The following VWA3A variants were observed in gnomAD, a reference collection of about 807,000 sequenced individuals.
VWA3A encodes von Willebrand factor A domain containing 3A.
VWA3A carries 134 observed loss-of-function variants against 160.4 expected under a neutral mutation model. The observed-to-expected ratio is 0.84, with a 90% CI of 0.73 to 0.96. The LOEUF (loss-of-function observed/expected upper bound fraction) is 0.96, where lower values mean the gene tolerates loss of function less well. Ranked by LOEUF, VWA3A falls within the 40% of genes least tolerant of loss-of-function variation. VWA3A has a pLI of 0.00. For synonymous variants in VWA3A, 476 were observed against 543.4 expected (o/e 0.88, Z 1.72); for missense variants, 1,310 against 1,447.9 (o/e 0.90, Z 1.55).
intron 8 of VWA3A, among the ~76,000 whole-genome samples, chr16:22,113,322 G>A (rs1379752838): frequency 1.4e-5 from 2 of 139,978 alleles, no homozygotes; most frequent in Non-Finnish European, 3.0e-5. Context: ...CTCCCAAATA[G>A]CTGAGATTAC....
intron 3 of VWA3A, 105 bp downstream of exon 3, chr16:22,097,800 A>G: frequency 1.4e-6 from 2 of 1,436,938 alleles, no homozygotes; most frequent in East Asian, 5.0e-5. Flanking sequence ...GGATTCTAGG[A>G]CTGAAAAAGG....
intron 26 of VWA3A, 133 bp from the exon 27 acceptor site, chr16:22,146,103 T>A: frequency 1.5e-6 from 1 of 688,620 alleles, no homozygotes. Context: ...ATTACAGGCA[T>A]GAGCCACCGT....
At chr16:22,128,381 G>A (rs935161042) in intron 17 of VWA3A, among the ~76,000 whole-genome samples, 1 of 152,154 alleles carries the variant, frequency 6.6e-6, no homozygotes, top group African/African-American at 2.4e-5. Flanking sequence ...CAATGTGAAT[G>A]GAAGAAAGAG....
At chr16:22,100,364 C>G in intron 4 of VWA3A, 46 bp downstream of exon 4, 2 of 1,551,646 alleles carry the variant, frequency 1.3e-6, no homozygotes, top group Non-Finnish European at 1.7e-6. Context: ...TGCAGTGACA[C>G]ATGCAACCCC....
intron 6 of VWA3A, among the ~76,000 whole-genome samples, chr16:22,105,143 A>T (rs545089995): frequency 6.6e-6 from 1 of 152,302 alleles, no homozygotes; most frequent in Admixed American, 6.5e-5. Context: ...GGTAACAGGC[A>T]GAGAGACCCC....
Position 22,134,443 on chromosome 16 carries a change from GC to G in VWA3A, c.2139+8del. ...GCTCTCAACTACTCCCAAAAGGTAT[GC>G]CCTGGGCATGGGCCAATGACTGCAC... On this transcript the variant is annotated splice_donor_region_variant and intron_variant, in intron 21 of 33. Transcript: ENST00000389398. 6.3e-7 allele frequency: 1 copy of G among 1,585,614 alleles called. No homozygotes were observed. The highest frequency in any genetic ancestry group is 8.6e-7 in the Non-Finnish European group (1 of 1,164,996).
rs2046294789 is a variant in VWA3A at position 22,148,436 on chromosome 16, A to G, written c.2984+130A>G. On this transcript the variant is annotated intron_variant, in intron 28 of 33. Transcript: ENST00000389398. ...GATGCTCTTCTGAGTAACGCGTTTG[A>G]GTAGGAAAGAGCACTGTATTCTGCT... 5.5e-6 allele frequency: 7 copies of G among 1,283,896 alleles called. No individual in the cohort carries two copies. In the South Asian group the frequency reaches 9.3e-5, roughly 17 times the overall value. The allele number at this position is 1,283,896 out of a possible 1,614,324, so 79.5% of individuals were successfully genotyped here.
In VWA3A at chr16:22,148,182, A is replaced by C; in HGVS notation, c.2860A>C (p.Thr954Pro). The C allele has an allele frequency of 6.2e-7, 1 of 1,602,978 alleles. No homozygotes were observed. Among genetic ancestry groups the C allele is most frequent in the Non-Finnish European group, 8.5e-7 (1 of 1,174,988 alleles). Residue 954 changes from threonine (T) to proline (P), a missense_variant, in exon 28 of 34, where the codon ACC becomes CCC. Transcript: ENST00000389398. ...AGCAGGGAGCCGCCGACTGTTTGGCACCGTTTTGGAGAGCAAAGTATGCAT... is the reference window on the plus strand; with the variant it reads ...AGCAGGGAGCCGCCGACTGTTTGGCCCCGTTTTGGAGAGCAAAGTATGCAT... ...LLSGSRRLFG[T>P]VLESKVCILL...
At chr16:22,125,050 T>C (rs1483820921) in intron 16 of VWA3A, among the ~76,000 whole-genome samples, 2 of 152,064 alleles carry the variant, frequency 1.3e-5, no homozygotes, top group Non-Finnish European at 2.9e-5. Context: ...TTCCTTATGT[T>C]ACTTGCTCAC....
chr16:22,115,401 C>A lies in VWA3A; in HGVS notation c.744C>A (p.Asn248Lys), dbSNP rs1431284661. Reference protein sequence around the residue: ...VKTLQPDGGSNLLQALKKIFT... With the variant: ...VKTLQPDGGSKLLQALKKIFT... ...CGCTGCAGCCTGATGGAGGCAGCAA[C>A]CTGCTACAAGCTCTGAAGAAGATCT... Residue 248 changes from asparagine (N) to lysine (K), a missense_variant, in exon 9 of 34, where the codon AAC becomes AAA. Coordinates refer to ENST00000389398, the MANE Select transcript of VWA3A (RefSeq NM_173615.5). The A allele has an allele frequency of 6.2e-7, 1 of 1,603,338 alleles. No individual in the cohort carries two copies. Among genetic ancestry groups the A allele is most frequent in the Non-Finnish European group, 8.5e-7 (1 of 1,175,028 alleles).
rs534035489 is a variant in VWA3A at position 22,149,656 on chromosome 16, G to A, written c.2985-131G>A. The A allele has an allele frequency of 1.8e-5, 21 of 1,185,330 alleles. No individual in the cohort carries two copies. In the South Asian group the frequency reaches 3.3e-4, roughly 19 times the overall value. 73.4% of individuals were successfully genotyped at this position (1,185,330 alleles called of 1,614,324 possible). On this transcript the variant is annotated intron_variant, in intron 28 of 33. Coordinates refer to ENST00000389398, the MANE Select transcript of VWA3A (RefSeq NM_173615.5). ...CTGAGGGGCCACAGGGCTCGTTGTA[G>A]GGGTCTTCAGTGACGAGCAAGAATA... is the stretch of plus-strand genomic sequence containing the variant.
intron 31 of VWA3A, 76 bp from the exon 32 acceptor site, chr16:22,155,490 TA>T: frequency 7.5e-7 from 1 of 1,331,526 alleles, no homozygotes; most frequent in Non-Finnish European, 1.1e-6. Context: ...TGATTAGCTC[TA>T]AAATGCTTTT....
chr16:22,111,933 A>G (rs1238665689), intron 8 of VWA3A, among the ~76,000 whole-genome samples: 4 of 152,146 alleles, frequency 2.6e-5, no homozygotes. Flanking sequence ...AGTTCCTTAT[A>G]TCCACTTCCA....
At chr16:22,150,557 T>C (rs982310454) in intron 29 of VWA3A, 138 bp from the exon 30 acceptor site, 14 of 1,036,872 alleles carry the variant, frequency 1.4e-5, no homozygotes, top group Non-Finnish European at 1.8e-5. Flanking sequence ...AGAATCTCAG[T>C]CTTTTTGAAC....
intron 5 of VWA3A, among the ~76,000 whole-genome samples, chr16:22,100,964 CAAAAAAAAAAA>C (rs59096934): frequency 4.9e-5 from 3 of 60,780 alleles, no homozygotes; most frequent in African/African-American, 1.8e-4. Flanking sequence ...GACCCTGTCT[CAAAAAAAAAAA>C]AAAAAAAAAG....
rs116760804 is a variant in VWA3A, at chr16:22,116,027, A to T, written c.815+555A>T. ...AGAGATAAGAAAGAAGAAAGAGAAA[A>T]GATCATCAACCATGGCTCTTCACAC... On this transcript the variant is annotated intron_variant, in intron 9 of 33. Coordinates refer to ENST00000389398, the MANE Select transcript of VWA3A (RefSeq NM_173615.5). Among the ~76,000 whole-genome samples the T allele has an allele frequency of 4.2e-3, 621 of 149,634 alleles. 12 individuals are homozygous for T. The highest frequency in any genetic ancestry group is 0.015 in the African/African-American group (596 of 39,694).
intron 3 of VWA3A, 63 bp downstream of exon 3, chr16:22,097,758 T>C: frequency 6.5e-7 from 1 of 1,531,602 alleles, no homozygotes; most frequent in Non-Finnish European, 8.8e-7. Flanking sequence ...ATGCACAGTG[T>C]GTTAAATTCT....
At chr16:22,097,811 A>G in intron 3 of VWA3A, 116 bp downstream of exon 3, 1 of 1,352,720 alleles carries the variant, frequency 7.4e-7, no homozygotes, top group South Asian at 1.5e-5. Flanking sequence ...CTGAAAAAGG[A>G]GTAATTAAGC....
At chr16:22,122,958 G>A (rs531449821) in intron 14 of VWA3A, 127 bp from the exon 15 acceptor site, 12 of 721,870 alleles carry the variant, frequency 1.7e-5, no homozygotes, top group East Asian at 1.6e-4. Context: ...GAGGGAGTTC[G>A]ATCCGACCTC....
Sources: allele counts gnomAD v4.1 joint callset (sites outside exome capture counted in the v4.1 genomes callset), GRCh38; gene constraint gnomAD v4.1.1; transcripts MANE v1.5; gene names NCBI Gene and HGNC (gene_info 2026-07-23, HGNC 2026-07-21).